The following FTO variants were observed in gnomAD, a reference collection of about 807,000 sequenced individuals.
FTO encodes the protein FTO alpha-ketoglutarate dependent dioxygenase.
In FTO, 47 loss-of-function variants were observed where a neutral mutation model predicts 63.9. The ratio of observed to expected loss-of-function variants is 0.74; its 90% CI spans 0.58 to 0.94. FTO has a LOEUF of 0.94. Among genes scored for constraint, FTO ranks in the 40% least tolerant of loss-of-function variants. The pLI is 0.00. For missense variants in FTO, 562 were observed against 618.1 expected (o/e 0.91, Z 0.96); for synonymous variants, 207 against 224.4 (o/e 0.92, Z 0.69).
chr16:53,708,770 T>C (rs1487916354), intron 1 of FTO, among the ~76,000 whole-genome samples: 3 of 152,196 alleles, frequency 2.0e-5, no homozygotes, highest in African/African-American at 7.2e-5. Flanking sequence ...CTCTGATGGG[T>C]AATAATGTTA....
At chr16:53,804,841 C>G (rs1470822657) in intron 1 of FTO, among the ~76,000 whole-genome samples, 1 of 152,000 alleles carries the variant, frequency 6.6e-6, no homozygotes, top group Non-Finnish European at 1.5e-5. Flanking sequence ...TCTTGAACTC[C>G]TGGCCTCAAG....
At chr16:53,977,652 T>C (rs572367757) in intron 8 of FTO, among the ~76,000 whole-genome samples, 1 of 152,332 alleles carries the variant, frequency 6.6e-6, no homozygotes, top group South Asian at 2.1e-4. Context: ...TTTTTTGCTC[T>C]TGCCTCCTAT....
intron 8 of FTO, among the ~76,000 whole-genome samples, chr16:53,977,923 A>G (rs2083464091): frequency 6.6e-6 from 1 of 152,030 alleles, no homozygotes; most frequent in South Asian, 2.1e-4. Flanking sequence ...CAGTGCTGCA[A>G]TCATAGCTCA....
At chr16:53,842,157 C>T (rs1181289607) in intron 3 of FTO, among the ~76,000 whole-genome samples, 1 of 152,202 alleles carries the variant, frequency 6.6e-6, no homozygotes, top group African/African-American at 2.4e-5. Flanking sequence ...CTGTGCCAGT[C>T]ACTAGGGCTA....
At chr16:53,880,050 A>G (rs1036153995) in intron 6 of FTO, 63 bp downstream of exon 6, 8 of 1,279,180 alleles carry the variant, frequency 6.3e-6, no homozygotes, top group South Asian at 2.5e-5. Flanking sequence ...GCTGGAGTGC[A>G]GCGGCATGAC....
rs2086892430 is a variant in FTO, at chr16:54,111,708, G to A, written c.1365-54G>A. 1.4e-5 allele frequency: 22 copies of A among 1,601,428 alleles called. 1 individual carries two copies. In the South Asian group the frequency reaches 2.2e-4, roughly 16 times the overall value. ...GTTGCTCCAAGCTTCCTGTGGGTTGGGGTCTTCTGGGGGTTTCCTCCCGTG... is the reference window on the plus strand; with the variant it reads ...GTTGCTCCAAGCTTCCTGTGGGTTGAGGTCTTCTGGGGGTTTCCTCCCGTG... On this transcript the variant is annotated intron_variant, in intron 8 of 8. Coordinates refer to ENST00000471389, the MANE Select transcript of FTO (RefSeq NM_001080432.3).
chr16:53,713,303 A>G (rs1012676557), intron 1 of FTO, among the ~76,000 whole-genome samples: 2 of 152,098 alleles, frequency 1.3e-5, no homozygotes, highest in African/African-American at 4.8e-5. Flanking sequence ...GATTTAGAGT[A>G]TTTTGTTGTT....
At chr16:53,810,606 T>C (rs1169212055) in intron 2 of FTO, among the ~76,000 whole-genome samples, 1 of 152,146 alleles carries the variant, frequency 6.6e-6, no homozygotes, top group East Asian at 1.9e-4. Flanking sequence ...GTCAAGTTGA[T>C]TGCACTCCCG....
intron 1 of FTO, among the ~76,000 whole-genome samples, chr16:53,726,118 G>A (rs1403103526): frequency 6.6e-6 from 1 of 152,110 alleles, no homozygotes; most frequent in African/African-American, 2.4e-5. Context: ...ATTGTATAAG[G>A]AGGTATTTGT....
At chr16:53,765,303 T>C (rs1003929738) in intron 1 of FTO, among the ~76,000 whole-genome samples, 2 of 151,912 alleles carry the variant, frequency 1.3e-5, no homozygotes, top group Admixed American at 6.6e-5. Context: ...ATGCCTGTAA[T>C]CCTAGCACTT....
chr16:53,855,667 CA>C (rs2151842458), intron 4 of FTO, among the ~76,000 whole-genome samples: 1 of 152,268 alleles, frequency 6.6e-6, no homozygotes, highest in African/African-American at 2.4e-5. Flanking sequence ...GATGGCCATT[CA>C]CCTAATGCTT....
At chr16:54,086,536 A>T (rs1276225822) in intron 8 of FTO, among the ~76,000 whole-genome samples, 1 of 152,194 alleles carries the variant, frequency 6.6e-6, no homozygotes. Context: ...TAGGAGAAAA[A>T]CTAATTGCAG....
intron 8 of FTO, among the ~76,000 whole-genome samples, chr16:54,088,967 TA>T: frequency 1.3e-5 from 2 of 152,336 alleles, no homozygotes; most frequent in Middle Eastern, 6.8e-3. Context: ...CAGTCCAATA[TA>T]AATCTCTTAC....
chr16:53,829,507 G>A (rs143123137), intron 3 of FTO, among the ~76,000 whole-genome samples: 170 of 152,378 alleles, frequency 1.1e-3, no homozygotes, highest in African/African-American at 3.8e-3. Context: ...AGTGATATCT[G>A]TTTAGTTTTC....
At chr16:54,099,210 A>C (rs1331426964) in intron 8 of FTO, among the ~76,000 whole-genome samples, 1 of 152,204 alleles carries the variant, frequency 6.6e-6, no homozygotes. Flanking sequence ...GTATAGCATG[A>C]ATATCATTCA....
chr16:53,756,338 A>G (rs973364486), intron 1 of FTO, among the ~76,000 whole-genome samples: 2 of 152,152 alleles, frequency 1.3e-5, no homozygotes, highest in South Asian at 2.1e-4. Flanking sequence ...CTTTTCTTAG[A>G]TTATTAGAGG....
chr16:53,940,019 A>T lies in FTO; in HGVS notation c.1364+5910A>T, dbSNP rs1013111761. Among the ~76,000 whole-genome samples the T allele has an allele frequency of 2.0e-5, 3 of 151,972 alleles. No individual in the cohort carries two copies. The East Asian group carries it at 5.8e-4, about 29-fold the overall frequency. ...TCTTGGGTATATACCTAGGAATGGA[A>T]TTGCTGGGTCATATGGTAATTCTGT... On this transcript the variant is annotated intron_variant, in intron 8 of 8. Transcript: ENST00000471389.
At chr16:53,704,100 C>G (rs2151439540), upstream of FTO, 1 of 1,323,174 alleles carries the variant, frequency 7.6e-7, no homozygotes, top group Non-Finnish European at 1.1e-6. Context: ...GGGAGCAGGA[C>G]GCTGAGAGAA....
At chr16:53,975,064 C>T (rs1363970534) in intron 8 of FTO, among the ~76,000 whole-genome samples, 1 of 152,000 alleles carries the variant, frequency 6.6e-6, no homozygotes, top group African/African-American at 2.4e-5. Flanking sequence ...TCTAAATTGA[C>T]TTCAGCTGAG....
Sources: allele counts gnomAD v4.1 joint callset (sites outside exome capture counted in the v4.1 genomes callset), GRCh38; gene constraint gnomAD v4.1.1; transcripts MANE v1.5; gene names NCBI Gene and HGNC (gene_info 2026-07-23, HGNC 2026-07-21).